PKD1L3: variants seen among roughly 807,000 people sequenced by gnomAD.
PKD1L3 encodes polycystin 1 like 3, transient receptor potential channel interacting, also known as polycystin-1-like protein 3.
A neutral mutation model predicts 184.1 loss-of-function variants in PKD1L3; 239 were observed. The observed-to-expected ratio is 1.30, with a 90% confidence interval of 1.17 to 1.45. PKD1L3 has a LOEUF of 1.45. Ranked by LOEUF, PKD1L3 falls within the 40% of genes most tolerant of loss-of-function variation. The pLI is 0.00. For missense variants in PKD1L3, 2,660 were observed against 2,067.2 expected, an observed-to-expected ratio of 1.29 and a Z score of -5.56; for synonymous variants, 996 against 778.8, an observed-to-expected ratio of 1.28 and a Z score of -4.64.
chr16:71,965,819 G>T (rs988135220), intron 15 of PKD1L3, among the ~76,000 whole-genome samples: 2 of 152,138 alleles, frequency 1.3e-5, no homozygotes, highest in African/African-American at 4.8e-5. Flanking sequence ...CTCCCAAAGT[G>T]CTGGGATTAC....
In PKD1L3 at chr16:71,951,628, G is replaced by A. The variant is rs1309577566; in HGVS notation, c.3126C>T (p.Ser1042=). The A allele has an allele frequency of 6.4e-7, 1 of 1,551,816 alleles. No homozygotes were observed. Among genetic ancestry groups the A allele is most frequent in the African/African-American group, 1.4e-5 (1 of 73,162 alleles). The change falls in exon 19 of 30, where the codon AGC becomes AGT. Residue 1042 remains serine (S), a synonymous_variant. Coordinates refer to ENST00000620267, the MANE Select transcript of PKD1L3 (RefSeq NM_181536.2). The stretch of plus-strand genomic sequence containing the variant: ...GACCCTCCAAGTGAGATGATACGAG[G>A]CTGGATAAAAGTTTCACCAGCTTAG... ...DITKLVKLLS[S]LVSSHLEGQG...
rs2143756052 is a variant in PKD1L3, at chr16:71,982,241, A to G, written c.967-6T>C. 1 of 1,135,552 alleles carries G rather than the reference A, an allele frequency of 8.8e-7. No individual in the cohort carries two copies. 70.3% of individuals were successfully genotyped at this position (1,135,552 alleles called of 1,614,324 possible). A position where few individuals can be genotyped will look rare whatever the true frequency, so the allele number is the denominator to read the frequency against. On this transcript the variant is annotated splice_region_variant and splice_polypyrimidine_tract_variant and intron_variant, in intron 6 of 29. Transcript: ENST00000620267. ...AGGGAATTGATGAGATTAACCTGGG[A>G]GGATTAGAAAGCAAACATACACCCT...
intron 3 of PKD1L3, chr16:71,991,278 T>A (rs2040580470): frequency 4.3e-6 from 1 of 230,916 alleles, no homozygotes; most frequent in South Asian, 7.9e-5. Context: ...AGGAATCACA[T>A]GATCCTGAAA....
At chr16:71,978,127 G>A (rs1335633251) in intron 10 of PKD1L3, 128 bp downstream of exon 10, 3 of 1,143,468 alleles carry the variant, frequency 2.6e-6, no homozygotes, top group Non-Finnish European at 3.6e-6. Flanking sequence ...AAGTTCCTAA[G>A]ATGTTAATAA....
chr16:71,948,076 GTTTAT>G lies in PKD1L3; in HGVS notation c.3619-490_3619-486del, dbSNP rs2038689239. Among the ~76,000 whole-genome samples the G allele has an allele frequency of 3.3e-5, 5 of 151,780 alleles. No individual in the cohort carries two copies. The East Asian group carries it at 7.7e-4, about 24-fold the overall frequency. On this transcript the variant is annotated intron_variant, in intron 21 of 29. Coordinates refer to ENST00000620267, the MANE Select transcript of PKD1L3 (RefSeq NM_181536.2). The stretch of plus-strand genomic sequence containing the variant: ...GGACTACAGGTGCATACCACACCCA[GTTTAT>G]TTTATTATTATTTTTTTTGAGACAG...
chr16:71,934,559 G>C (rs932416755), intron 26 of PKD1L3, among the ~76,000 whole-genome samples: 2 of 152,320 alleles, frequency 1.3e-5, no homozygotes, highest in East Asian at 1.9e-4. Context: ...CAGGATTGCT[G>C]TAATAGGTGC....
chr16:71,964,013 AT>A (rs1466952625), intron 15 of PKD1L3, among the ~76,000 whole-genome samples: 3 of 152,000 alleles, frequency 2.0e-5, no homozygotes, highest in Non-Finnish European at 2.9e-5. Context: ...AGTCTTTATC[AT>A]TTACATTAAT....
At chr16:71,961,215 C>A (rs2039265378) in intron 16 of PKD1L3, among the ~76,000 whole-genome samples, 1 of 152,094 alleles carries the variant, frequency 6.6e-6, no homozygotes, top group South Asian at 2.1e-4. Flanking sequence ...CAGCCTTGAC[C>A]TCCCGGGTTC....
chr16:71,980,218 G>A, intron 7 of PKD1L3, 84 bp from the exon 8 acceptor site: 11 of 1,462,048 alleles, frequency 7.5e-6, no homozygotes, highest in Non-Finnish European at 1.0e-5. Flanking sequence ...AAGATTGGAA[G>A]GGGAATTTTC....
At position 71,944,125 on chromosome 16, in the gene PKD1L3, G is replaced by T. The variant is rs1249280303; in HGVS notation, c.3764C>A (p.Pro1255His). The T allele has an allele frequency of 6.4e-7, 1 of 1,551,310 alleles. No individual in the cohort carries two copies. The highest frequency in any genetic ancestry group is 8.7e-7 in the Non-Finnish European group (1 of 1,146,588). The change falls in exon 23 of 30, where the codon CCC becomes CAC. Residue 1255 changes from proline (P) to histidine (H), a missense_variant. Pro to His is a moderately conservative substitution (Grantham distance 77). Coordinates refer to ENST00000620267, the MANE Select transcript of PKD1L3 (RefSeq NM_181536.2). ...SVPGSRDKNNPVYVAPAINSP... is the reference protein window; with the variant it reads ...SVPGSRDKNNHVYVAPAINSP... The stretch of plus-strand genomic sequence containing the variant: ...ATTTATAGCTGGGGCTACATAGACG[G>T]GGTTGTTCTTATCTCTTGAACCTGG...
chr16:71,993,371 T>C (rs1033183808), intron 2 of PKD1L3, 39 bp from the exon 3 acceptor site: 3 of 1,274,820 alleles, frequency 2.4e-6, no homozygotes, highest in African/African-American at 1.5e-5. Flanking sequence ...TTATAGGTTA[T>C]AGCTATGGCT....
At position 71,963,323 on chromosome 16, in the gene PKD1L3, T is replaced by C. The variant is rs372002601; in HGVS notation, c.2494A>G (p.Met832Val). Residue 832 changes from methionine to valine, a missense_variant, in exon 16 of 30, where the codon ATG (methionine) becomes GTG (valine). Coordinates refer to ENST00000620267, the MANE Select transcript of PKD1L3 (RefSeq NM_181536.2). ...WYVSQVIVCD[M>V]AVKRKWHFLC... ...AAATGCCACTTCCTCTTAACTGCCATGTCACAGACAATTACCTGGCTGACA... is the reference window on the plus strand; with the variant it reads ...AAATGCCACTTCCTCTTAACTGCCACGTCACAGACAATTACCTGGCTGACA... The C allele has an allele frequency of 6.4e-7, 1 of 1,550,946 alleles. No individual in the cohort carries two copies. Among genetic ancestry groups the C allele is most frequent in the Non-Finnish European group, 8.7e-7 (1 of 1,146,624 alleles).
At chr16:71,951,886 A>C (rs2038848816) in intron 18 of PKD1L3, 142 bp from the exon 19 acceptor site, 1 of 713,308 alleles carries the variant, frequency 1.4e-6, no homozygotes, top group Admixed American at 3.1e-5. Flanking sequence ...ATGTTCCTCT[A>C]ATTTTTCAGA....
intron 17 of PKD1L3, among the ~76,000 whole-genome samples, chr16:71,953,485 C>A (rs1004224883): frequency 2.0e-5 from 3 of 152,072 alleles, no homozygotes; most frequent in African/African-American, 7.3e-5. Flanking sequence ...CATGGCATTA[C>A]AAAGCATTAC....
chr16:71,965,132 G>A (rs534838850), intron 15 of PKD1L3, among the ~76,000 whole-genome samples: 3 of 152,172 alleles, frequency 2.0e-5, no homozygotes, highest in Non-Finnish European at 4.4e-5. Flanking sequence ...AGAGGTGTGA[G>A]CCACTGTGTC....
intron 24 of PKD1L3, 123 bp from the exon 25 acceptor site, chr16:71,937,542 T>A (rs956469091): frequency 2.8e-6 from 3 of 1,061,386 alleles, no homozygotes; most frequent in Non-Finnish European, 4.0e-6. Flanking sequence ...GTCTCAGTGC[T>A]CCACTTAGTA....
chr16:71,939,435 G>T (rs889121007), intron 24 of PKD1L3, among the ~76,000 whole-genome samples: 19 of 152,154 alleles, frequency 1.2e-4, no homozygotes, highest in African/African-American at 3.9e-4. Flanking sequence ...TTTCTGGCTG[G>T]CAAAGCAACA....
At chr16:71,975,797 C>CTCAA (rs2039895939) in intron 11 of PKD1L3, among the ~76,000 whole-genome samples, 1 of 152,152 alleles carries the variant, frequency 6.6e-6, no homozygotes. Flanking sequence ...TCACACAGGA[C>CTCAA]TCAATACACA....
At chr16:71,961,034 T>A (rs570665574) in intron 16 of PKD1L3, among the ~76,000 whole-genome samples, 1 of 152,162 alleles carries the variant, frequency 6.6e-6, no homozygotes, top group South Asian at 2.1e-4. Flanking sequence ...TTAAAACATA[T>A]ATTTTTGGTT....
Sources: gnomAD v4.1 joint callset for allele counts (sites outside exome capture counted in the v4.1 genomes callset) on GRCh38, gnomAD v4.1.1 for gene constraint, MANE v1.5 for transcripts, NCBI Gene and HGNC (gene_info 2026-07-23, HGNC 2026-07-21) for gene names.